Variants in HORMAD2 observed in about 807,000 individuals in gnomAD.
HORMAD2 encodes HORMA domain-containing protein 2.
Under a neutral mutation model 38.8 loss-of-function variants are expected in HORMAD2, and 45 were observed. The ratio of observed to expected loss-of-function variants is 1.16; its 90% CI spans 0.91 to 1.49. The LOEUF (loss-of-function observed/expected upper bound fraction) is 1.49, where lower values mean the gene tolerates loss of function less well. Ranked by LOEUF, HORMAD2 falls within the 40% of genes most tolerant of loss-of-function variation. HORMAD2 has a pLI of 0.00. For synonymous variants in HORMAD2, 126 were observed against 122.8 expected (o/e 1.03, Z -0.17); for missense variants, 338 against 367.0 (o/e 0.92, Z 0.65).
intron 10 of HORMAD2, among the ~76,000 whole-genome samples, chr22:30,155,479 T>C (rs1925013979): frequency 6.6e-6 from 1 of 152,188 alleles, no homozygotes; most frequent in African/African-American, 2.4e-5. Flanking sequence ...GTCCCTCTAA[T>C]TAAGCACTTC....
intron 1 of HORMAD2, among the ~76,000 whole-genome samples, chr22:30,088,220 T>TATATACATATATACACAC: frequency 1.3e-5 from 2 of 150,100 alleles, no homozygotes; most frequent in South Asian, 4.2e-4. Context: ...TATATACACA[T>TATATACATATATACACAC]ATATACATAT....
At position 30,119,118 on chromosome 22, in the gene HORMAD2, G is replaced by A. The variant is rs138317988; in HGVS notation, c.410+71G>A. On this transcript the variant is annotated intron_variant, in intron 8 of 10. Transcript: ENST00000336726. ...GGTAAACATAAGCTTCTTGAGGCCA[G>A]AGAAAGGCCTTATACTTCTTTACAC... 1.1e-4 allele frequency: 117 copies of A among 1,022,418 alleles called. 2 individuals carry two copies. The East Asian group carries it at 3.1e-3, about 27-fold the overall frequency. The allele number at this position is 1,022,418 out of a possible 1,614,324, so 63.3% of individuals were successfully genotyped here.
chr22:30,135,992 A>G (rs1923625194), intron 10 of HORMAD2, among the ~76,000 whole-genome samples: 1 of 152,208 alleles, frequency 6.6e-6, no homozygotes, highest in Admixed American at 6.5e-5. Flanking sequence ...AAATTTCAGC[A>G]ATGATAAAAT....
intron 10 of HORMAD2, among the ~76,000 whole-genome samples, chr22:30,155,751 C>A (rs1277513854): frequency 6.6e-6 from 1 of 152,176 alleles, no homozygotes; most frequent in African/African-American, 2.4e-5. Context: ...CTGTAGAATT[C>A]ATTCTAGCTT....
intron 10 of HORMAD2, among the ~76,000 whole-genome samples, chr22:30,161,432 G>A (rs1011274161): frequency 2.6e-5 from 4 of 152,158 alleles, no homozygotes; most frequent in African/African-American, 9.7e-5. Context: ...ATCAGCAAAT[G>A]TATGTCAAAC....
chr22:30,104,438 G>C lies in HORMAD2; in HGVS notation c.294+1G>C, dbSNP rs764536571. On this transcript the variant is annotated splice_donor_variant, in intron 5 of 10. Coordinates refer to ENST00000336726, the MANE Select transcript of HORMAD2 (RefSeq NM_152510.4). LOFTEE classifies it high-confidence loss of function. ...TTTTGATGCTTTGGAAAAGAGATAC[G>C]TAAGAATGTTTTTACACTTACACTG... is the stretch of plus-strand genomic sequence containing the variant. 2 of 1,605,236 alleles carry C rather than the reference G, an allele frequency of 1.2e-6. No individual in the cohort carries two copies. The highest frequency in any genetic ancestry group is 8.5e-7 in the Non-Finnish European group (1 of 1,173,716).
chr22:30,107,120 T>G (rs1921259125), intron 5 of HORMAD2, among the ~76,000 whole-genome samples: 1 of 152,224 alleles, frequency 6.6e-6, no homozygotes, highest in Non-Finnish European at 1.5e-5. Flanking sequence ...GCCTAAGCAT[T>G]GGATGAGATA....
intron 7 of HORMAD2, among the ~76,000 whole-genome samples, chr22:30,115,647 A>C (rs939528751): frequency 7.2e-5 from 11 of 152,212 alleles, no homozygotes; most frequent in African/African-American, 2.4e-4. Flanking sequence ...GATAGGCAAG[A>C]TCCCTGCTCT....
chr22:30,150,453 G>T (rs1924682097), intron 10 of HORMAD2, among the ~76,000 whole-genome samples: 1 of 152,096 alleles, frequency 6.6e-6, no homozygotes. Flanking sequence ...CTCTCTGTGT[G>T]TCTGTGTTTG....
At chr22:30,106,313 T>C (rs1335811315) in intron 5 of HORMAD2, among the ~76,000 whole-genome samples, 1 of 152,162 alleles carries the variant, frequency 6.6e-6, no homozygotes, top group Non-Finnish European at 1.5e-5. Flanking sequence ...ACCCAGACTA[T>C]ATATTGATTT....
intron 5 of HORMAD2, among the ~76,000 whole-genome samples, chr22:30,111,127 G>A (rs971252342): frequency 2.1e-5 from 3 of 142,164 alleles, no homozygotes; most frequent in South Asian, 2.3e-4. Context: ...CTGTACTCCA[G>A]CCTGGTGACA....
intron 10 of HORMAD2, among the ~76,000 whole-genome samples, chr22:30,126,935 T>C (rs900047118): frequency 6.6e-6 from 1 of 152,164 alleles, no homozygotes; most frequent in African/African-American, 2.4e-5. Flanking sequence ...TTTAATTTAT[T>C]AAACTAATTT....
rs570555048 is a variant in HORMAD2 at position 30,136,855 on chromosome 22, CAGAT to C, written c.819+14644_819+14647del. 1.1e-3 allele frequency: 381 copies of C among 359,056 alleles called. 3 individuals carry two copies. Among genetic ancestry groups the C allele is most frequent in the South Asian group, 5.3e-3 (136 of 25,598 alleles). 22.2% of individuals were successfully genotyped at this position (359,056 alleles called of 1,614,324 possible). A position where few individuals can be genotyped will look rare whatever the true frequency, so the allele number is the denominator to read the frequency against. On this transcript the variant is annotated intron_variant, in intron 10 of 10. Transcript: ENST00000336726. ...ATGAAGACACCATGGAGAGGATAAA[CAGAT>C]AGGCAAGCCTTTTCTATGTCTTTTC... is the stretch of plus-strand genomic sequence containing the variant.
chr22:30,121,821 T>G, intron 9 of HORMAD2, 32 bp downstream of exon 9: 3 of 1,587,148 alleles, frequency 1.9e-6, no homozygotes, highest in African/African-American at 2.7e-5. Flanking sequence ...AATTCCTCCT[T>G]AAGTGCTGAG....
Position 30,103,508 on chromosome 22 carries a change from A to G in HORMAD2, c.257+8A>G. 1 of 1,426,910 alleles carries G rather than the reference A, an allele frequency of 7.0e-7. No individual in the cohort carries two copies. The highest frequency in any genetic ancestry group is 1.4e-5 in the African/African-American group (1 of 70,500). The allele number at this position is 1,426,910 out of a possible 1,614,324, so 88.4% of individuals were successfully genotyped here. A position where few individuals can be genotyped will look rare whatever the true frequency, so the allele number is the denominator to read the frequency against. On this transcript the variant is annotated splice_region_variant and intron_variant, in intron 4 of 10. Transcript: ENST00000336726. Reference sequence around the variant, plus strand: ...ACTGCATATTATCAGATGGTAAGTAATAGAAATTCTATAAAAGTTGAACAA... The same window carrying G: ...ACTGCATATTATCAGATGGTAAGTAGTAGAAATTCTATAAAAGTTGAACAA...
chr22:30,121,731 C>A lies in HORMAD2; in HGVS notation c.510C>A (p.Asp170Glu). 1 of 1,612,218 alleles carries A rather than the reference C, an allele frequency of 6.2e-7. No homozygotes were observed. The highest frequency in any genetic ancestry group is 8.5e-7 in the Non-Finnish European group (1 of 1,179,026). Residue 170 changes from aspartate (D) to glutamate (E), a missense_variant, in exon 9 of 11, where the codon GAC (aspartate) becomes GAA (glutamate). Asp to Glu is a conservative substitution (Grantham distance 45). Coordinates refer to ENST00000336726, the MANE Select transcript of HORMAD2 (RefSeq NM_152510.4). ...LIRKLYILMQ[D>E]LEPLPNNVVL... ...GTAAATTGTATATACTGATGCAGGACCTTGAGCCACTTCCTAATAATGTTG... is the reference window on the plus strand; with the variant it reads ...GTAAATTGTATATACTGATGCAGGAACTTGAGCCACTTCCTAATAATGTTG...
At chr22:30,177,407 C>T (rs960146554), downstream of HORMAD2, among the ~76,000 whole-genome samples, 1 of 152,206 alleles carries the variant, frequency 6.6e-6, no homozygotes, top group Non-Finnish European at 1.5e-5. Context: ...CTATCTAGGG[C>T]AGCCTACCAA....
chr22:30,184,451 C>T, the HORMAD2 span, among the ~76,000 whole-genome samples: 64 of 152,262 alleles, frequency 4.2e-4, 2 homozygotes, highest in East Asian at 0.012. Flanking sequence ...AAATATAGAT[C>T]ATCTTTTTCC....
At chr22:30,089,525 G>A (rs1315067324) in intron 1 of HORMAD2, among the ~76,000 whole-genome samples, 4 of 151,920 alleles carry the variant, frequency 2.6e-5, no homozygotes, top group Admixed American at 6.6e-5. Context: ...TCTAATTTTT[G>A]TATTTTTAGT....
Sources: gnomAD v4.1 joint callset for allele counts (sites outside exome capture counted in the v4.1 genomes callset) on GRCh38, gnomAD v4.1.1 for gene constraint, MANE v1.5 for transcripts, NCBI Gene and HGNC (gene_info 2026-07-23, HGNC 2026-07-21) for gene names.